Variants in HS3ST4 observed in about 807,000 individuals in gnomAD.
HS3ST4 encodes heparan sulfate glucosamine 3-O-sulfotransferase 4.
HS3ST4 carries 17 observed loss-of-function variants against 29.2 expected under a neutral mutation model. The ratio of observed to expected loss-of-function variants is 0.58; its 90% CI spans 0.40 to 0.87. HS3ST4 has a LOEUF of 0.87. HS3ST4 is among the 40% of genes least tolerant of loss of function. The pLI, the probability that HS3ST4 is intolerant of heterozygous loss-of-function variation, is 0.00. For synonymous variants in HS3ST4, 314 were observed against 285.7 expected, an observed-to-expected ratio of 1.10 and a Z score of -1.00; for missense variants, 627 against 634.5, an observed-to-expected ratio of 0.99 and a Z score of 0.13.
intron 1 of HS3ST4, among the ~76,000 whole-genome samples, chr16:26,073,679 T>C (rs201756613): frequency 6.6e-6 from 1 of 151,942 alleles, no homozygotes; most frequent in Non-Finnish European, 1.5e-5. Flanking sequence ...GGTCAGAACT[T>C]TTAATATCTA....
chr16:26,020,355 T>C (rs1969400802), intron 1 of HS3ST4, among the ~76,000 whole-genome samples: 1 of 152,190 alleles, frequency 6.6e-6, no homozygotes, highest in Non-Finnish European at 1.5e-5. Context: ...ACGAGAATTA[T>C]AGATATACGA....
chr16:26,018,313 A>G (rs1442754709), intron 1 of HS3ST4, among the ~76,000 whole-genome samples: 3 of 152,226 alleles, frequency 2.0e-5, no homozygotes. Context: ...ATATCTTGTC[A>G]ACAGGAAGGG....
chr16:25,922,035 G>T (rs114894603), intron 1 of HS3ST4, among the ~76,000 whole-genome samples: 1 of 152,140 alleles, frequency 6.6e-6, no homozygotes, highest in Non-Finnish European at 1.5e-5. Flanking sequence ...AATTACAGGC[G>T]TGAGCCATGG....
intron 1 of HS3ST4, among the ~76,000 whole-genome samples, chr16:25,759,596 G>A (rs763832640): frequency 3.2e-4 from 49 of 152,256 alleles, no homozygotes; most frequent in Non-Finnish European, 5.4e-4. Flanking sequence ...ATGGAGTTCC[G>A]TGTTAGAAGA....
intron 1 of HS3ST4, among the ~76,000 whole-genome samples, chr16:26,059,539 G>A (rs1048770739): frequency 4.6e-5 from 7 of 152,088 alleles, no homozygotes; most frequent in African/African-American, 1.7e-4. Context: ...ATTAATTAAC[G>A]AAGTCATTCA....
intron 1 of HS3ST4, among the ~76,000 whole-genome samples, chr16:25,798,241 A>G (rs1966900161): frequency 6.6e-6 from 1 of 152,216 alleles, no homozygotes; most frequent in Admixed American, 6.5e-5. Context: ...GGTCTTGAGT[A>G]TGAAAGCCAG....
chr16:25,800,084 TCCTTCCTG>T (rs1966918256), intron 1 of HS3ST4, among the ~76,000 whole-genome samples: 1 of 147,766 alleles, frequency 6.8e-6, no homozygotes, highest in Non-Finnish European at 1.5e-5. Flanking sequence ...CTTCCTTCCT[TCCTTCCTG>T]CCTTCCTTCC....
intron 1 of HS3ST4, among the ~76,000 whole-genome samples, chr16:25,758,881 G>A (rs1966772814): frequency 6.6e-6 from 1 of 151,954 alleles, no homozygotes; most frequent in African/African-American, 2.4e-5. Flanking sequence ...ACTTGAACAC[G>A]GGAGGCGGAG....
intron 1 of HS3ST4, among the ~76,000 whole-genome samples, chr16:25,759,933 G>A (rs1412364328): frequency 6.6e-6 from 1 of 152,042 alleles, no homozygotes; most frequent in Non-Finnish European, 1.5e-5. Context: ...CACAGAACAA[G>A]AGAATGGTGA....
intron 1 of HS3ST4, among the ~76,000 whole-genome samples, chr16:25,815,283 G>A (rs1253032528): frequency 2.6e-5 from 4 of 152,186 alleles, no homozygotes; most frequent in African/African-American, 4.8e-5. Flanking sequence ...GCTGGGTGCA[G>A]GGTTTGTGGG....
In HS3ST4 at chr16:26,137,240, C is replaced by G. The variant is rs1898296427; in HGVS notation, c.*992C>G. ...CCTAGGGTCCCTAGAAGGGCAAAGA[C>G]CAGAGAGTTGACAAGTCTGTTATTA... On this transcript the variant is annotated 3_prime_UTR_variant, in exon 2 of 2. Coordinates refer to ENST00000331351, the MANE Select transcript of HS3ST4 (RefSeq NM_006040.3). 6.6e-6 allele frequency: 1 copy of G among 152,018 alleles called. No individual in the cohort carries two copies. Among genetic ancestry groups the G allele is most frequent in the African/African-American group, 2.4e-5 (1 of 41,388 alleles). 9.4% of individuals were successfully genotyped at this position (152,018 alleles called of 1,614,324 possible). A position where few individuals can be genotyped will look rare whatever the true frequency, so the allele number is the denominator to read the frequency against.
chr16:25,704,969 G>A (rs1966365463), intron 1 of HS3ST4, among the ~76,000 whole-genome samples: 1 of 151,982 alleles, frequency 6.6e-6, no homozygotes, highest in Non-Finnish European at 1.5e-5. Flanking sequence ...TAATCCTACA[G>A]CTGAGGCTTG....
intron 1 of HS3ST4, among the ~76,000 whole-genome samples, chr16:25,983,660 C>T (rs1969031833): frequency 6.6e-6 from 1 of 152,198 alleles, no homozygotes; most frequent in Admixed American, 6.5e-5. Context: ...CTGTGATTCT[C>T]CAGCCCATGG....
intron 1 of HS3ST4, among the ~76,000 whole-genome samples, chr16:25,744,312 T>C (rs4411502): frequency 0.92 from 139,826 of 152,258 alleles, 64,242 homozygotes; most frequent in East Asian, 1. Context: ...CATTTTTTAA[T>C]GGGTCTGAAA....
chr16:26,040,507 G>A (rs1292742363), intron 1 of HS3ST4, among the ~76,000 whole-genome samples: 1 of 151,978 alleles, frequency 6.6e-6, no homozygotes, highest in East Asian at 1.9e-4. Flanking sequence ...GTTTCATCAT[G>A]TTGGCCAGGG....
chr16:25,997,946 G>A (rs1292828724), intron 1 of HS3ST4, among the ~76,000 whole-genome samples: 1 of 152,076 alleles, frequency 6.6e-6, no homozygotes. Context: ...TTCAAATAAT[G>A]AATATTCAGC....
chr16:26,032,376 C>T (rs1249614188), intron 1 of HS3ST4, among the ~76,000 whole-genome samples: 1 of 151,794 alleles, frequency 6.6e-6, no homozygotes, highest in East Asian at 1.9e-4. Flanking sequence ...ACATATGCCC[C>T]TTCCCCCAAA....
chr16:26,079,937 G>T (rs1898706197), intron 1 of HS3ST4, among the ~76,000 whole-genome samples: 2 of 152,144 alleles, frequency 1.3e-5, no homozygotes, highest in East Asian at 3.9e-4. Context: ...CAATATTCAT[G>T]ATCTCATTTG....
chr16:25,969,693 G>A (rs1968878016), intron 1 of HS3ST4, among the ~76,000 whole-genome samples: 1 of 152,188 alleles, frequency 6.6e-6, no homozygotes, highest in South Asian at 2.1e-4. Flanking sequence ...GTGCATGCAT[G>A]TAGGAGGCTG....
Sources: gnomAD v4.1 joint callset for allele counts (sites outside exome capture counted in the v4.1 genomes callset) on GRCh38, gnomAD v4.1.1 for gene constraint, MANE v1.5 for transcripts, NCBI Gene and HGNC (gene_info 2026-07-23, HGNC 2026-07-21) for gene names.